GABRB3: variants seen among roughly 807,000 people sequenced by gnomAD.
GABRB3 encodes the protein gamma-aminobutyric acid receptor subunit beta-3.
In GABRB3, 14 loss-of-function variants were observed where a neutral mutation model predicts 52.1. The observed-to-expected ratio is 0.27, with a 90% confidence interval of 0.18 to 0.42. GABRB3 has a LOEUF of 0.42. Among genes scored for constraint, GABRB3 ranks in the 10% least tolerant of loss-of-function variants. GABRB3 has a pLI of 1.00. For missense variants in GABRB3, 307 were observed against 609.1 expected (o/e 0.50, Z 5.22); for synonymous variants, 260 against 232.3 (o/e 1.12, Z -1.08).
chr15:26,648,852 G>A (rs1261369023), intron 3 of GABRB3, among the ~76,000 whole-genome samples: 1 of 152,162 alleles, frequency 6.6e-6, no homozygotes, highest in Non-Finnish European at 1.5e-5. Flanking sequence ...CAGCAGGTGG[G>A]TGGACAGAAG....
At chr15:26,743,339 G>C (rs1890259353) in intron 3 of GABRB3, among the ~76,000 whole-genome samples, 3 of 152,138 alleles carry the variant, frequency 2.0e-5, no homozygotes, top group Non-Finnish European at 4.4e-5. Flanking sequence ...AGCTCTGCAG[G>C]AGAAAGATTT....
At chr15:26,584,700 C>A (rs1298851753) in intron 4 of GABRB3, among the ~76,000 whole-genome samples, 2 of 152,202 alleles carry the variant, frequency 1.3e-5, no homozygotes, top group Admixed American at 1.3e-4. Flanking sequence ...TCCTACTCTG[C>A]CTGCAGCCTT....
chr15:26,704,693 C>A (rs987405365), intron 3 of GABRB3, among the ~76,000 whole-genome samples: 2 of 152,198 alleles, frequency 1.3e-5, no homozygotes, highest in African/African-American at 2.4e-5. Context: ...CTAGCCATTG[C>A]TTTTAATTGC....
At chr15:26,773,494 C>G (rs1290974439), upstream of GABRB3, 9 of 476,816 alleles carry the variant, frequency 1.9e-5, no homozygotes, top group Non-Finnish European at 3.2e-5. Context: ...CGCTGCCCGC[C>G]TACCCCGGCC....
chr15:26,772,240 G>A, intron 3 of GABRB3, 162 bp downstream of exon 3: 1 of 582,084 alleles, frequency 1.7e-6, no homozygotes, highest in Non-Finnish European at 2.9e-6. Context: ...GGTGCAGGGA[G>A]CCGGGCAAGC....
intron 3 of GABRB3, among the ~76,000 whole-genome samples, chr15:26,675,845 G>C (rs1888051359): frequency 6.6e-6 from 1 of 152,150 alleles, no homozygotes; most frequent in African/African-American, 2.4e-5. Flanking sequence ...TGAGAAAACT[G>C]AACAGATACC....
At chr15:26,754,360 T>C (rs1292377431) in intron 3 of GABRB3, among the ~76,000 whole-genome samples, 4 of 152,076 alleles carry the variant, frequency 2.6e-5, no homozygotes, top group African/African-American at 9.7e-5. Context: ...AGATCAGAAG[T>C]AGTTGAGAAA....
intron 3 of GABRB3, among the ~76,000 whole-genome samples, chr15:26,742,964 A>G (rs1322952548): frequency 8.8e-6 from 1 of 113,406 alleles, no homozygotes; most frequent in Non-Finnish European, 1.6e-5. Flanking sequence ...GAGTCTCGCT[A>G]TGGCGCCCAG....
intron 4 of GABRB3, among the ~76,000 whole-genome samples, chr15:26,606,788 C>CGATAGA (rs369220407): frequency 3.5e-5 from 4 of 115,210 alleles, no homozygotes; most frequent in Admixed American, 1.0e-4. Context: ...ATAGATATAT[C>CGATAGA]TATAGATAGA....
At chr15:26,575,674 T>A (rs563423291) in intron 6 of GABRB3, among the ~76,000 whole-genome samples, 1 of 152,154 alleles carries the variant, frequency 6.6e-6, no homozygotes, top group Non-Finnish European at 1.5e-5. Context: ...TTTAAAAAAA[T>A]TTATAATTTG....
chr15:26,670,272 G>A (rs113034968), intron 3 of GABRB3, among the ~76,000 whole-genome samples: 4,884 of 152,298 alleles, frequency 0.032, 267 homozygotes, highest in African/African-American at 0.11. Context: ...AGGGGCGGGA[G>A]AGGTAAGGGT....
At chr15:26,628,131 A>G (rs1389321892) in intron 3 of GABRB3, among the ~76,000 whole-genome samples, 1 of 152,292 alleles carries the variant, frequency 6.6e-6, no homozygotes, top group Non-Finnish European at 1.5e-5. Context: ...TTTTATAGAC[A>G]TAATGTTATT....
intron 3 of GABRB3, chr15:26,628,871 G>C: frequency 8.5e-7 from 1 of 1,170,838 alleles, no homozygotes; most frequent in Non-Finnish European, 1.2e-6. Context: ...TCCTCAAACG[G>C]AGGCTCTCAG....
chr15:26,606,762 GTCTA>G (rs1417328667), intron 4 of GABRB3, among the ~76,000 whole-genome samples: 3 of 45,242 alleles, frequency 6.6e-5, no homozygotes, highest in Non-Finnish European at 2.0e-4. Context: ...ATACATATCT[GTCTA>G]TCTATAGATA....
chr15:26,695,382 A>G (rs1888706341), intron 3 of GABRB3, among the ~76,000 whole-genome samples: 1 of 152,080 alleles, frequency 6.6e-6, no homozygotes, highest in Non-Finnish European at 1.5e-5. Context: ...AAGTCAGAGG[A>G]AAAAGGATAA....
chr15:26,700,456 C>T (rs1888891686), intron 3 of GABRB3, among the ~76,000 whole-genome samples: 1 of 152,130 alleles, frequency 6.6e-6, no homozygotes, highest in African/African-American at 2.4e-5. Context: ...GTAGAGAACA[C>T]CTCCCAGTTT....
chr15:26,737,888 T>C (rs1463330808), intron 3 of GABRB3, among the ~76,000 whole-genome samples: 1 of 152,188 alleles, frequency 6.6e-6, no homozygotes, highest in African/African-American at 2.4e-5. Flanking sequence ...ATCGTTTCAA[T>C]ATACAATTAC....
intron 4 of GABRB3, chr15:26,616,174 G>C (rs911518787): frequency 1.1e-6 from 1 of 933,094 alleles, no homozygotes. Flanking sequence ...AGGGAAGGTG[G>C]GCCTTGGGGC....
In GABRB3 at chr15:26,586,397, A is replaced by AACAC. The variant is rs56386894; in HGVS notation, c.462-2987_462-2984dup. ...CTTATTCACTTTTCAAACCACCCCTAACACACACACACACACACACACACA... is the reference window on the plus strand; with the variant it reads ...CTTATTCACTTTTCAAACCACCCCTAACACACACACACACACACACACACACACA... On this transcript the variant is annotated intron_variant, in intron 4 of 8. Transcript: ENST00000311550. 2.3e-3 allele frequency among the ~76,000 whole-genome samples: 312 copies of AACAC among 138,074 alleles called. 6 individuals are homozygous for AACAC. Among genetic ancestry groups the AACAC allele is most frequent in the Middle Eastern group, 7.6e-3 (2 of 264 alleles). The allele number at this position is 138,074 out of a possible 152,430, so 90.6% of individuals were successfully genotyped here. A position where few individuals can be genotyped will look rare whatever the true frequency, so the allele number is the denominator to read the frequency against.
Sources: allele counts gnomAD v4.1 joint callset (sites outside exome capture counted in the v4.1 genomes callset), GRCh38; gene constraint gnomAD v4.1.1; transcripts MANE v1.5; gene names NCBI Gene and HGNC (gene_info 2026-07-23, HGNC 2026-07-21).